The following DMTN variants were observed in gnomAD, a reference collection of about 807,000 sequenced individuals.
The protein encoded by DMTN is dematin.
DMTN carries 27 observed loss-of-function variants against 59.4 expected under a neutral mutation model. The observed-to-expected ratio is 0.45, with a 90% CI of 0.33 to 0.63. The LOEUF (loss-of-function observed/expected upper bound fraction) is 0.63. DMTN is among the 20% of genes least tolerant of loss of function. DMTN has a pLI of 0.02. For missense variants in DMTN, 451 were observed against 528.9 expected, an observed-to-expected ratio of 0.85 and a Z score of 1.45; for synonymous variants, 221 against 203.7, an observed-to-expected ratio of 1.08 and a Z score of -0.72.
At chr8:22,068,741 G>T (rs200550714) in intron 4 of DMTN, among the ~76,000 whole-genome samples, 1 of 151,506 alleles carries the variant, frequency 6.6e-6, no homozygotes, top group Non-Finnish European at 1.5e-5. Flanking sequence ...GAGAAAAGGG[G>T]AGGAGAGAGG....
At chr8:22,061,123 T>A (rs1445803904) in intron 1 of DMTN, among the ~76,000 whole-genome samples, 37 of 150,028 alleles carry the variant, frequency 2.5e-4, no homozygotes, top group Non-Finnish European at 4.4e-4. Flanking sequence ...AAAAAAAAAA[T>A]TTGTTTTGAA....
Position 22,066,905 on chromosome 8 carries a change from C to G in DMTN, c.18+12C>G. 3 of 1,258,604 alleles carry G rather than the reference C, an allele frequency of 2.4e-6. No individual in the cohort carries two copies. Among genetic ancestry groups the G allele is most frequent in the Non-Finnish European group, 3.0e-6 (3 of 1,001,422 alleles). 78.0% of individuals were successfully genotyped at this position (1,258,604 alleles called of 1,614,324 possible). ...AACGGCTGCAGAAGGTGCGCGGCGC[C>G]GCCCCGGGCCGGGGCCGCCGAGGGC... On this transcript the variant is annotated intron_variant, in intron 2 of 15. Coordinates refer to ENST00000358242, the MANE Select transcript of DMTN (RefSeq NM_001387751.1).
chr8:22,071,787 C>A (rs993551075), intron 8 of DMTN, among the ~76,000 whole-genome samples: 15 of 151,722 alleles, frequency 9.9e-5, no homozygotes, highest in African/African-American at 3.4e-4. Flanking sequence ...TCACCATGTT[C>A]GCCAGGATTG....
upstream of DMTN, among the ~76,000 whole-genome samples, chr8:22,050,098 C>CT (rs1327526212): frequency 6.6e-6 from 1 of 152,200 alleles, no homozygotes; most frequent in Non-Finnish European, 1.5e-5. Context: ...ACTTTTTTCT[C>CT]TCCCCCATCA....
intron 1 of DMTN, among the ~76,000 whole-genome samples, chr8:22,063,301 T>C: frequency 6.6e-6 from 1 of 152,180 alleles, no homozygotes; most frequent in East Asian, 1.9e-4. Context: ...TCTAGATCTT[T>C]ACAGTGCCCT....
chr8:22,072,213 G>A (rs1263240525), intron 8 of DMTN, 113 bp from the exon 9 acceptor site: 12 of 1,341,804 alleles, frequency 8.9e-6, no homozygotes, highest in Non-Finnish European at 1.2e-5. Context: ...AAAAAATTTT[G>A]TAGTGGCCTT....
At position 22,069,469 on chromosome 8, in the gene DMTN, C is replaced by A; in HGVS notation, c.345C>A (p.Pro115=). 1 of 1,613,550 alleles carries A rather than the reference C, an allele frequency of 6.2e-7. No individual in the cohort carries two copies. ...GAATCATCTCTCAGGCCTCGGCCCC[C>A]AGAACCACTGGAACCCCCCGGACCA... The part of the protein sequence containing the change: ...SPGIISQASA[P]RTTGTPRTSL... The change falls in exon 6 of 16, where the codon CCC becomes CCA. Residue 115 remains proline (P), a synonymous_variant. Coordinates refer to ENST00000358242, the MANE Select transcript of DMTN (RefSeq NM_001387751.1).
chr8:22,067,650 C>G lies in DMTN; in HGVS notation c.217C>G (p.Leu73Val), dbSNP rs3190137. The change falls in exon 4 of 16, where the codon CTG becomes GTG. Residue 73 changes from leucine (L) to valine (V), a missense_variant. Physicochemically the swap from Leu to Val is conservative, Grantham distance 32. Transcript: ENST00000358242. The part of the protein sequence containing the change: ...IYEPHFTYSL[L>V]EHVELPRSRE... ...CGAGCCTCACTTCACTTATTCCCTC[C>G]TGGAACACGTGGAGCTGCCTCGCAG... 7.4e-5 allele frequency: 120 copies of G among 1,614,004 alleles called. 1 individual carries two copies. Among genetic ancestry groups the G allele is most frequent in the Non-Finnish European group, 2.2e-5 (26 of 1,180,036 alleles).
chr8:22,066,831 C>A lies in DMTN; in HGVS notation c.-45C>A. 7.0e-7 allele frequency: 1 copy of A among 1,421,978 alleles called. No homozygotes were observed. Among genetic ancestry groups the A allele is most frequent in the Non-Finnish European group, 9.2e-7 (1 of 1,085,660 alleles). 88.1% of individuals were successfully genotyped at this position (1,421,978 alleles called of 1,614,324 possible). The stretch of plus-strand genomic sequence containing the variant: ...CCTGACACGCTGTCCTCTCCCCTCG[C>A]GCACAGGGCTCTGCGAGTGACCCGG... On this transcript the variant is annotated 5_prime_UTR_variant, in exon 2 of 16. Transcript: ENST00000358242.
At position 22,080,599 on chromosome 8, in the gene DMTN, T is replaced by C; in HGVS notation, c.950-19T>C. The C allele has an allele frequency of 1.2e-6, 2 of 1,610,548 alleles. No individual in the cohort carries two copies. The highest frequency in any genetic ancestry group is 8.5e-7 in the Non-Finnish European group (1 of 1,178,370). ...TGACCTCAGAGCTGCATCTGACCCA[T>C]GCCCCTTCTCTCCCGCAGGCCTGCA... On this transcript the variant is annotated intron_variant, in intron 12 of 15. Coordinates refer to ENST00000358242, the MANE Select transcript of DMTN (RefSeq NM_001387751.1).
intron 1 of DMTN, among the ~76,000 whole-genome samples, chr8:22,064,699 C>A (rs1416871695): frequency 6.6e-6 from 1 of 152,232 alleles, no homozygotes; most frequent in East Asian, 1.9e-4. Context: ...ACCTTGTGAT[C>A]TGCCCGCCTT....
intron 4 of DMTN, among the ~76,000 whole-genome samples, chr8:22,067,977 G>A (rs1446882409): frequency 6.6e-6 from 1 of 152,214 alleles, no homozygotes; most frequent in African/African-American, 2.4e-5. Context: ...ATTGAGAGCG[G>A]GGGCTGAAAG....
chr8:22,069,761 TGGCTCTTGACAGG>T, intron 6 of DMTN, 107 bp from the exon 7 acceptor site: 1 of 1,208,240 alleles, frequency 8.3e-7, no homozygotes, highest in Non-Finnish European at 1.2e-6. Context: ...AGCCCTGTCT[TGGCTCTTGACAGG>T]GGCCAGTGAG....
upstream of DMTN, among the ~76,000 whole-genome samples, chr8:22,052,869 AG>A (rs565533963): frequency 1.7e-3 from 252 of 152,284 alleles, 1 homozygote; most frequent in South Asian, 8.5e-3. Flanking sequence ...CAGAAATGCC[AG>A]GCCATTCACG....
At chr8:22,059,471 G>C (rs1189110026) in intron 1 of DMTN, 1 of 152,264 alleles carries the variant, frequency 6.6e-6, no homozygotes, top group Admixed American at 6.5e-5. Context: ...CAACGAGCAG[G>C]ACTCTGGGTG....
chr8:22,065,243 G>A (rs1033420656), intron 1 of DMTN, among the ~76,000 whole-genome samples: 2 of 152,066 alleles, frequency 1.3e-5, no homozygotes, highest in Non-Finnish European at 2.9e-5. Flanking sequence ...TATGTTGCCC[G>A]GGCTGGCCTC....
At chr8:22,076,983 A>T (rs1413605904) in intron 10 of DMTN, among the ~76,000 whole-genome samples, 1 of 151,936 alleles carries the variant, frequency 6.6e-6, no homozygotes, top group African/African-American at 2.4e-5. Flanking sequence ...CGTGGAGGGG[A>T]GGAGAAACGT....
chr8:22,054,324 G>A (rs988109726), upstream of DMTN, among the ~76,000 whole-genome samples: 8 of 151,856 alleles, frequency 5.3e-5, no homozygotes, highest in African/African-American at 1.7e-4. Flanking sequence ...CAGGCATGGT[G>A]GGGGACAGTG....
chr8:22,071,995 G>A (rs1815927407), intron 8 of DMTN, among the ~76,000 whole-genome samples: 1 of 152,052 alleles, frequency 6.6e-6, no homozygotes, highest in Admixed American at 6.6e-5. Context: ...CTGGGCTCAA[G>A]CAATCCACCT....
Sources: gnomAD v4.1 joint callset for allele counts (sites outside exome capture counted in the v4.1 genomes callset) on GRCh38, gnomAD v4.1.1 for gene constraint, MANE v1.5 for transcripts, NCBI Gene and HGNC (gene_info 2026-07-23, HGNC 2026-07-21) for gene names.